The following CSMD1 variants were observed in gnomAD, a reference collection of about 807,000 sequenced individuals.
CSMD1 encodes the protein CUB and sushi domain-containing protein 1.
CSMD1 carries 213 observed loss-of-function variants against 417.5 expected under a neutral mutation model. The ratio of observed to expected loss-of-function variants is 0.51; its 90% CI spans 0.46 to 0.57. The LOEUF is 0.57. CSMD1 is among the 20% of genes least tolerant of loss of function. CSMD1 has a pLI of 0.00. For synonymous variants in CSMD1, 2,862 were observed against 1,736.8 expected (o/e 1.65, Z -16.11); for missense variants, 6,923 against 4,529.7 (o/e 1.53, Z -15.17).
At chr8:4,026,204 T>A (rs1797056944) in intron 4 of CSMD1, among the ~76,000 whole-genome samples, 1 of 152,206 alleles carries the variant, frequency 6.6e-6, no homozygotes, top group African/African-American at 2.4e-5. Context: ...ATAATCTAGT[T>A]ATCCAAATCC....
At chr8:4,657,803 C>A (rs1804339147) in intron 1 of CSMD1, among the ~76,000 whole-genome samples, 2 of 150,140 alleles carry the variant, frequency 1.3e-5, no homozygotes, top group Non-Finnish European at 1.5e-5. Context: ...TAAAATACAC[C>A]CAAATAGCTA....
At chr8:4,967,855 A>C (rs1434270653) in intron 1 of CSMD1, among the ~76,000 whole-genome samples, 4 of 152,208 alleles carry the variant, frequency 2.6e-5, no homozygotes, top group African/African-American at 9.6e-5. Context: ...TGACAACTTT[A>C]CAAGTCAAAG....
chr8:4,502,734 GC>G (rs977417637), intron 2 of CSMD1, among the ~76,000 whole-genome samples: 5 of 152,020 alleles, frequency 3.3e-5, no homozygotes, highest in African/African-American at 9.7e-5. Flanking sequence ...GCAGATCTTT[GC>G]TTTTATTTGT....
intron 50 of CSMD1, 53 bp from the exon 51 acceptor site, chr8:3,029,566 G>A (rs1040612590): frequency 2.0e-6 from 3 of 1,480,436 alleles, no homozygotes; most frequent in African/African-American, 2.8e-5. Flanking sequence ...GAAAACATCA[G>A]ACCGTGCTTG....
chr8:4,615,203 C>T (rs1021023043), intron 2 of CSMD1, among the ~76,000 whole-genome samples: 2 of 152,132 alleles, frequency 1.3e-5, no homozygotes, highest in African/African-American at 4.8e-5. Flanking sequence ...CAAAGAGAAA[C>T]AGAAGGAAAT....
chr8:3,980,123 T>C (rs987050276), intron 5 of CSMD1, among the ~76,000 whole-genome samples: 8 of 133,580 alleles, frequency 6.0e-5, no homozygotes, highest in Non-Finnish European at 7.9e-5. Flanking sequence ...AAATAGGTTT[T>C]ATCATTGTAT....
intron 2 of CSMD1, among the ~76,000 whole-genome samples, chr8:4,426,562 G>A (rs1387437555): frequency 6.8e-6 from 1 of 146,438 alleles, no homozygotes; most frequent in Admixed American, 6.9e-5. Context: ...ATTTACTATA[G>A]TATAGTATAT....
At chr8:4,975,727 T>A (rs114028625) in intron 1 of CSMD1, among the ~76,000 whole-genome samples, 1 of 152,188 alleles carries the variant, frequency 6.6e-6, no homozygotes, top group Non-Finnish European at 1.5e-5. Flanking sequence ...TCATCTGATG[T>A]GCTGAGACAA....
chr8:4,994,351 C>G lies in CSMD1; in HGVS notation c.66G>C (p.Arg22Ser), dbSNP rs540081965. The G allele has an allele frequency of 2.5e-6, 4 of 1,611,280 alleles. No homozygotes were observed. The South Asian group carries it at 4.4e-5, about 18-fold the overall frequency. ...TCTTACCCTTCGCTGCAGTGAGGAGCCTCGCGCACAGCACCAGCAGCCCGA... is the reference window on the plus strand; with the variant it reads ...TCTTACCCTTCGCTGCAGTGAGGAGGCTCGCGCACAGCACCAGCAGCCCGA... ...LLLGLLVLCA[R>S]LLTAAKGQNC... The change falls in exon 1 of 70, where the codon AGG becomes AGC. Residue 22 changes from arginine to serine, a missense_variant. Coordinates refer to ENST00000635120, the MANE Select transcript of CSMD1 (RefSeq NM_033225.6).
rs563985051 is a variant in CSMD1 at position 4,182,778 on chromosome 8, G to C, written c.416-150679C>G. On this transcript the variant is annotated intron_variant, in intron 3 of 69. Transcript: ENST00000635120. ...TTCTCACTAGTAATGCAGTCTCATAGTTAAATGAAGTGAAGGGAATATAAT... is the reference window on the plus strand; with the variant it reads ...TTCTCACTAGTAATGCAGTCTCATACTTAAATGAAGTGAAGGGAATATAAT... Among the ~76,000 whole-genome samples, 8 of 152,196 alleles carry C rather than the reference G, an allele frequency of 5.3e-5. No individual in the cohort carries two copies. In the East Asian group the frequency reaches 1.5e-3, roughly 29 times the overall value.
At chr8:2,951,408 C>T in intron 65 of CSMD1, 133 bp from the exon 66 acceptor site, 2 of 883,012 alleles carry the variant, frequency 2.3e-6, no homozygotes, top group Non-Finnish European at 3.3e-6. Context: ...ACAAGAGGAG[C>T]CTAGTGCATC....
At chr8:4,264,731 T>C (rs1804129626) in intron 3 of CSMD1, among the ~76,000 whole-genome samples, 1 of 152,010 alleles carries the variant, frequency 6.6e-6, no homozygotes. Flanking sequence ...TGCCCAGGGG[T>C]AGGGAACATC....
chr8:3,826,057 T>C (rs181445644), intron 5 of CSMD1, among the ~76,000 whole-genome samples: 13 of 152,282 alleles, frequency 8.5e-5, no homozygotes, highest in Admixed American at 7.2e-4. Context: ...GAGGCCCACA[T>C]AGACATCTTT....
intron 4 of CSMD1, among the ~76,000 whole-genome samples, chr8:4,019,977 T>A (rs756710075): frequency 6.6e-6 from 1 of 151,664 alleles, no homozygotes; most frequent in Non-Finnish European, 1.5e-5. Context: ...GTAGCTTACA[T>A]GAATTTCTTT....
At chr8:3,018,966 G>A (rs1477836212) in intron 51 of CSMD1, among the ~76,000 whole-genome samples, 1 of 152,158 alleles carries the variant, frequency 6.6e-6, no homozygotes, top group African/African-American at 2.4e-5. Context: ...TGACCAGGTT[G>A]GAGTGCAGTG....
intron 3 of CSMD1, among the ~76,000 whole-genome samples, chr8:4,217,119 C>T (rs942075078): frequency 6.6e-6 from 1 of 152,176 alleles, no homozygotes; most frequent in Non-Finnish European, 1.5e-5. Flanking sequence ...TGGTGTAGTG[C>T]TAGTCTACAT....
chr8:4,037,086 A>T (rs951630405), intron 3 of CSMD1, among the ~76,000 whole-genome samples: 7 of 152,138 alleles, frequency 4.6e-5, no homozygotes, highest in African/African-American at 1.4e-4. Context: ...CACAACCCAA[A>T]ACTGGAATAA....
rs1563095587 is a variant in CSMD1 at position 3,802,670 on chromosome 8, C to T, written c.819-48628G>A. Among the ~76,000 whole-genome samples the T allele has an allele frequency of 1.3e-5, 2 of 152,166 alleles. 1 individual carries two copies. Among genetic ancestry groups the T allele is most frequent in the Non-Finnish European group, 2.9e-5 (2 of 68,036 alleles). ...ATGAGCTTGTCACTTTACTTCTCTACTCATGACACTTCAAAACGCAATAAA... is the reference window on the plus strand; with the variant it reads ...ATGAGCTTGTCACTTTACTTCTCTATTCATGACACTTCAAAACGCAATAAA... On this transcript the variant is annotated intron_variant, in intron 5 of 69. Transcript: ENST00000635120.
chr8:4,443,417 ATCTTTAT>A (rs555764001), intron 2 of CSMD1, among the ~76,000 whole-genome samples: 101 of 152,358 alleles, frequency 6.6e-4, no homozygotes, highest in African/African-American at 2.3e-3. Context: ...AATTGCAACA[ATCTTTAT>A]TCATTATTCA....
Sources: gnomAD v4.1 joint callset for allele counts (sites outside exome capture counted in the v4.1 genomes callset) on GRCh38, gnomAD v4.1.1 for gene constraint, MANE v1.5 for transcripts, NCBI Gene and HGNC (gene_info 2026-07-23, HGNC 2026-07-21) for gene names.